Variants in AATK observed in about 807,000 individuals in gnomAD.
AATK encodes lemur tail kinase 1.
In AATK, 91 loss-of-function variants were observed where a neutral mutation model predicts 114.3. The ratio of observed to expected loss-of-function variants is 0.80; its 90% CI spans 0.67 to 0.95. AATK has a LOEUF of 0.95. Ranked by LOEUF, AATK falls within the 40% of genes least tolerant of loss-of-function variation. The probability of loss-of-function intolerance (pLI) is 0.00; values close to 1 mark genes in which losing one functional copy is unlikely to be tolerated. For synonymous variants in AATK, 1,075 were observed against 916.5 expected, an observed-to-expected ratio of 1.17 and a Z score of -3.12; for missense variants, 2,176 against 1,965.2, an observed-to-expected ratio of 1.11 and a Z score of -2.03.
intron 1 of AATK, among the ~76,000 whole-genome samples, chr17:81,138,686 C>A (rs1163980330): frequency 6.6e-6 from 1 of 151,628 alleles, no homozygotes; most frequent in South Asian, 2.1e-4. Context: ...CACCCACCCA[C>A]ACACACCCAA....
At chr17:81,145,504 G>T (rs2061204122) in intron 1 of AATK, among the ~76,000 whole-genome samples, 1 of 151,320 alleles carries the variant, frequency 6.6e-6, no homozygotes, top group Non-Finnish European at 1.5e-5. Flanking sequence ...AGGCTGAGGT[G>T]GGCAGATCAC....
At position 81,119,337 on chromosome 17, in the gene AATK, G is replaced by A. The variant is rs8081830; in HGVS notation, c.4084+43C>T. The A allele has an allele frequency of 4.9e-4, 546 of 1,115,500 alleles. 7 individuals carry two copies. Among genetic ancestry groups the A allele is most frequent in the African/African-American group, 1.5e-3 (40 of 27,082 alleles). 69.1% of individuals were successfully genotyped at this position (1,115,500 alleles called of 1,614,324 possible). A position where few individuals can be genotyped will look rare whatever the true frequency, so the allele number is the denominator to read the frequency against. ...CCCCACCCTCGGAGCTCCGTGCCCT[G>A]CCTCCCGCGTGCCCTTCTGCCACAG... On this transcript the variant is annotated intron_variant, in intron 13 of 13. Transcript: ENST00000326724.
At position 81,117,941 on chromosome 17, in the gene AATK, G is replaced by C. The variant is rs975535076; in HGVS notation, c.*461C>G. ...CCAGGCAAGGGTGGGGGCACAGGGG[G>C]TGGGAAGAGGCTCACAAACCTGCCA... On this transcript the variant is annotated 3_prime_UTR_variant, in exon 14 of 14. Coordinates refer to ENST00000326724, the MANE Select transcript of AATK (RefSeq NM_001080395.3). 1 of 156,458 alleles carries C rather than the reference G, an allele frequency of 6.4e-6. No homozygotes were observed. Among genetic ancestry groups the C allele is most frequent in the Non-Finnish European group, 1.4e-5 (1 of 70,816 alleles). The allele number at this position is 156,458 out of a possible 1,614,324, so 9.7% of individuals were successfully genotyped here.
At position 81,122,687 on chromosome 17, in the gene AATK, G is replaced by C; in HGVS notation, c.1249C>G (p.Leu417Val). ...CCCACGCCGCCCCCGCCGGGCCGCAGAGAGCGCCAGCGCCGTTCAAACTCC... is the reference window on the plus strand; with the variant it reads ...CCCACGCCGCCCCCGCCGGGCCGCACAGAGCGCCAGCGCCGTTCAAACTCC... ...EEEFERRWRSLRPGGGGVGPG... is the reference protein window; with the variant it reads ...EEEFERRWRSVRPGGGGVGPG... The change falls in exon 11 of 14, where the codon CTG (leucine) becomes GTG (valine). Residue 417 changes from leucine (L) to valine (V), a missense_variant. By Grantham distance (32) the Leu-to-Val change is conservative (BLOSUM62 1). Coordinates refer to ENST00000326724, the MANE Select transcript of AATK (RefSeq NM_001080395.3). The C allele has an allele frequency of 6.5e-7, 1 of 1,544,796 alleles. No homozygotes were observed. The highest frequency in any genetic ancestry group is 8.7e-7 in the Non-Finnish European group (1 of 1,144,212).
rs766869636 is a variant in AATK at position 81,120,224 on chromosome 17, C to T, written c.3712G>A (p.Val1238Ile). 3.2e-6 allele frequency: 5 copies of T among 1,585,058 alleles called. No individual in the cohort carries two copies. Among genetic ancestry groups the T allele is most frequent in the South Asian group, 2.2e-5 (2 of 90,112 alleles). ...KKKAVSFFDD[V>I]TVYLFDQESP... ...ACCTGGTCAAAGAGGTAGACGGTGACGTCGTCGAAGAAGGACACGGCCTTC... is the reference window on the plus strand; with the variant it reads ...ACCTGGTCAAAGAGGTAGACGGTGATGTCGTCGAAGAAGGACACGGCCTTC... Residue 1238 changes from valine (V) to isoleucine (I), a missense_variant, in exon 11 of 14, where the codon GTC (valine) becomes ATC (isoleucine). This residue lies in a region of AATK where 1,701 missense variants were observed against 1,394.7 expected (regional missense o/e 1.22). Transcript: ENST00000326724.
intron 1 of AATK, among the ~76,000 whole-genome samples, chr17:81,161,166 A>G (rs1486527372): frequency 6.6e-6 from 1 of 152,162 alleles, no homozygotes; most frequent in African/African-American, 2.4e-5. Context: ...GCTGGCCCAG[A>G]CGGCAAGGAA....
At chr17:81,118,515 G>T in intron 13 of AATK, 73 bp from the exon 14 acceptor site, 1 of 1,516,858 alleles carries the variant, frequency 6.6e-7, no homozygotes. Context: ...ACTCCCACCT[G>T]GCCTCCATCC....
At chr17:81,123,062 AG>A (rs1195250539) in intron 10 of AATK, 131 bp downstream of exon 10, 2 of 1,079,942 alleles carry the variant, frequency 1.9e-6, no homozygotes, top group Non-Finnish European at 1.2e-6. Flanking sequence ...TGGCGGGTGG[AG>A]GCCCTACCAG....
Position 81,166,065 on chromosome 17 carries a change from G to T in AATK, c.-73C>A. On this transcript the variant is annotated 5_prime_UTR_variant, in exon 1 of 14. Coordinates refer to ENST00000326724, the MANE Select transcript of AATK (RefSeq NM_001080395.3). ...GACGCCCGCGGCCCCGGCCCGAGCC[G>T]CCGCATCACCCAGCGGCCGCCGCAG... 3 of 1,114,232 alleles carry T rather than the reference G, an allele frequency of 2.7e-6. No homozygotes were observed. The highest frequency in any genetic ancestry group is 3.4e-6 in the Non-Finnish European group (3 of 887,468). The allele number at this position is 1,114,232 out of a possible 1,614,324, so 69.0% of individuals were successfully genotyped here.
At chr17:81,139,103 CT>C (rs1294573050) in intron 1 of AATK, among the ~76,000 whole-genome samples, 1 of 152,248 alleles carries the variant, frequency 6.6e-6, no homozygotes, top group Admixed American at 6.5e-5. Context: ...CACACATCCC[CT>C]GGCTCAGTCC....
intron 1 of AATK, among the ~76,000 whole-genome samples, chr17:81,162,472 G>C (rs750677977): frequency 6.6e-6 from 1 of 152,178 alleles, no homozygotes; most frequent in African/African-American, 2.4e-5. Flanking sequence ...CCTGGTGCCC[G>C]GGCAGTGTCA....
At chr17:81,129,170 G>A (rs943678880) in intron 3 of AATK, among the ~76,000 whole-genome samples, 25 of 152,344 alleles carry the variant, frequency 1.6e-4, no homozygotes, top group African/African-American at 2.2e-4. Context: ...CTGCTCCCAC[G>A]TCAACTGCCC....
chr17:81,165,649 G>C, intron 1 of AATK: 1 of 1,485,844 alleles, frequency 6.7e-7, no homozygotes, highest in Middle Eastern at 1.7e-4. Flanking sequence ...CTGGACACCA[G>C]GGGCCCACGC....
chr17:81,119,294 A>T, intron 13 of AATK, 86 bp downstream of exon 13: 1 of 1,322,198 alleles, frequency 7.6e-7, no homozygotes. Context: ...GGCCCGGCCC[A>T]GGACCTAGAC....
At chr17:81,165,496 C>T (rs2061475719) in intron 1 of AATK, 5 of 526,386 alleles carry the variant, frequency 9.5e-6, no homozygotes, top group South Asian at 9.3e-5. Flanking sequence ...GGTGGCTGGG[C>T]AGGGCTCTGA....
chr17:81,128,836 A>C, intron 3 of AATK: 1 of 1,224,872 alleles, frequency 8.2e-7, no homozygotes, highest in African/African-American at 1.6e-5. Flanking sequence ...CAGGGACAGC[A>C]GGGCCCGGAG....
intron 1 of AATK, chr17:81,160,194 A>ACTGCCAGCCTGGGG: frequency 1.1e-6 from 1 of 903,340 alleles, no homozygotes; most frequent in Non-Finnish European, 1.3e-6. Context: ...CCAGGCTGGC[A>ACTGCCAGCCTGGGG]GTGGGAGCAC....
In AATK at chr17:81,118,544, G is replaced by A. The variant is rs541449312; in HGVS notation, c.4085-102C>T. 3.1e-4 allele frequency: 385 copies of A among 1,257,584 alleles called. No individual in the cohort carries two copies. In the African/African-American group the frequency reaches 4.9e-3, roughly 16 times the overall value. 77.9% of individuals were successfully genotyped at this position (1,257,584 alleles called of 1,614,324 possible). ...TCCATCCCTGGCCCACATACAGGCCGGGCCCCTTCCCTGCAGCAGATCTGG... is the reference window on the plus strand; with the variant it reads ...TCCATCCCTGGCCCACATACAGGCCAGGCCCCTTCCCTGCAGCAGATCTGG... On this transcript the variant is annotated intron_variant, in intron 13 of 13. Transcript: ENST00000326724.
At chr17:81,160,032 C>T (rs888942763) in intron 1 of AATK, among the ~76,000 whole-genome samples, 5 of 152,126 alleles carry the variant, frequency 3.3e-5, no homozygotes, top group African/African-American at 7.2e-5. Flanking sequence ...AGCCCTGGCT[C>T]GGGGTAGCAT....
Sources: gnomAD v4.1 joint callset for allele counts (sites outside exome capture counted in the v4.1 genomes callset) on GRCh38, gnomAD v4.1.1 for gene constraint, gnomAD v4.1.1 regional missense constraint, MANE v1.5 for transcripts, NCBI Gene and HGNC (gene_info 2026-07-23, HGNC 2026-07-21) for gene names.